NT5C2: variants seen among roughly 807,000 people sequenced by gnomAD.
NT5C2 encodes cytosolic purine 5'-nucleotidase.
In NT5C2, 58 loss-of-function variants were observed where a neutral mutation model predicts 76.1. That is an observed-to-expected ratio of 0.76 (90% CI 0.62 to 0.95). The LOEUF (loss-of-function observed/expected upper bound fraction) is 0.95. Ranked by LOEUF, NT5C2 falls within the 40% of genes least tolerant of loss-of-function variation. The pLI is 0.00. For missense variants in NT5C2, 478 were observed against 690.3 expected, an observed-to-expected ratio of 0.69 and a Z score of 3.45; for synonymous variants, 229 against 237.4, an observed-to-expected ratio of 0.96 and a Z score of 0.32.
chr10:103,102,398 A>C (rs2069968762), intron 6 of NT5C2, among the ~76,000 whole-genome samples: 1 of 152,176 alleles, frequency 6.6e-6, no homozygotes, highest in African/African-American at 2.4e-5. Context: ...TGAATGCCAG[A>C]CATGTGCATG....
rs189227388 is a variant in NT5C2, at chr10:103,137,738, C to T, written c.175+1668G>A. On this transcript the variant is annotated intron_variant, in intron 4 of 18. Transcript: ENST00000404739. ...TATGCTCAACTTGATCCCTCATCCC[C>T]ACTACTTCTTAAATTAAATGCATTT... 2.0e-5 allele frequency among the ~76,000 whole-genome samples: 3 copies of T among 152,300 alleles called. No individual in the cohort carries two copies. In the East Asian group the frequency reaches 5.8e-4, roughly 29 times the overall value.
chr10:103,160,244 G>A (rs150570284), intron 3 of NT5C2, among the ~76,000 whole-genome samples: 45 of 152,168 alleles, frequency 3.0e-4, no homozygotes, highest in African/African-American at 1.0e-3. Context: ...AAAAGTAAAT[G>A]AAAATGGATC....
intron 3 of NT5C2, among the ~76,000 whole-genome samples, chr10:103,165,996 CT>C (rs2086275967): frequency 6.6e-6 from 1 of 152,168 alleles, no homozygotes; most frequent in Non-Finnish European, 1.5e-5. Flanking sequence ...TTAAGTTAAA[CT>C]TTTTAATTTG....
chr10:103,129,806 C>T (rs2077682322), intron 4 of NT5C2, among the ~76,000 whole-genome samples: 1 of 109,378 alleles, frequency 9.1e-6, no homozygotes, highest in South Asian at 3.5e-4. Flanking sequence ...GTGAGGGGCG[C>T]CTCTGCCCGG....
chr10:103,104,401 C>A (rs1443815973), intron 6 of NT5C2, among the ~76,000 whole-genome samples: 1 of 152,128 alleles, frequency 6.6e-6, no homozygotes, highest in East Asian at 1.9e-4. Context: ...ACAAAAATTC[C>A]TTTTTAGACA....
chr10:103,131,642 C>T (rs751973563), intron 4 of NT5C2, among the ~76,000 whole-genome samples: 6 of 152,188 alleles, frequency 3.9e-5, no homozygotes, highest in South Asian at 2.1e-4. Flanking sequence ...AAAGCAACGC[C>T]GGGTGCAGTG....
intron 3 of NT5C2, among the ~76,000 whole-genome samples, chr10:103,159,632 G>C (rs1406922459): frequency 6.7e-6 from 1 of 148,794 alleles, no homozygotes; most frequent in Non-Finnish European, 1.5e-5. Context: ...TTGGGTGACA[G>C]AGCAAGACCC....
intron 1 of NT5C2, among the ~76,000 whole-genome samples, chr10:103,191,243 G>A (rs768718162): frequency 4.6e-5 from 7 of 152,064 alleles, no homozygotes; most frequent in Non-Finnish European, 7.4e-5. Context: ...TTAGCCAGGC[G>A]TGGTGGCGCA....
intron 3 of NT5C2, chr10:103,153,735 T>C (rs2082809280): frequency 1.0e-6 from 1 of 985,222 alleles, no homozygotes; most frequent in Non-Finnish European, 1.2e-6. Context: ...GTCAAAATCA[T>C]TTTTAGTTTA....
chr10:103,174,223 A>G (rs1454955379), intron 3 of NT5C2, among the ~76,000 whole-genome samples: 1 of 152,162 alleles, frequency 6.6e-6, no homozygotes, highest in Admixed American at 6.5e-5. Flanking sequence ...CCTGGCCAAC[A>G]TGGCAAAACC....
At chr10:103,176,104 G>A in intron 2 of NT5C2, 1 of 167,278 alleles carries the variant, frequency 6.0e-6, no homozygotes, top group South Asian at 1.6e-4. Flanking sequence ...GGAGCTAGGT[G>A]GGGGCAGCAA....
At chr10:103,181,875 C>T (rs1351181267) in intron 1 of NT5C2, among the ~76,000 whole-genome samples, 3 of 151,952 alleles carry the variant, frequency 2.0e-5, no homozygotes, top group Admixed American at 6.6e-5. Context: ...GGCGTGGTGG[C>T]GTATCCCTGT....
At chr10:103,113,292 T>C (rs541581980) in intron 4 of NT5C2, among the ~76,000 whole-genome samples, 11 of 140,450 alleles carry the variant, frequency 7.8e-5, no homozygotes, top group African/African-American at 3.6e-4. Flanking sequence ...ATACTAAGAA[T>C]ATTAGAAGAA....
intron 4 of NT5C2, 111 bp from the exon 5 acceptor site, chr10:103,106,817 C>A: frequency 1.4e-6 from 1 of 730,404 alleles, no homozygotes. Flanking sequence ...CCTAATTCTG[C>A]CATTTTTCTT....
chr10:103,096,701 C>T (rs952622582), intron 11 of NT5C2, among the ~76,000 whole-genome samples: 4 of 151,678 alleles, frequency 2.6e-5, no homozygotes, highest in African/African-American at 9.7e-5. Context: ...AAAAAATTAG[C>T]CAGGCGCAGT....
intron 8 of NT5C2, chr10:103,100,624 A>T (rs769287234): frequency 2.2e-6 from 1 of 460,726 alleles, no homozygotes; most frequent in Non-Finnish European, 4.3e-6. Flanking sequence ...TTTATTCCTT[A>T]ATCAAATCTT....
chr10:103,115,327 G>A (rs7909022), intron 4 of NT5C2, among the ~76,000 whole-genome samples: 17,706 of 152,122 alleles, frequency 0.12, 1,217 homozygotes, highest in Non-Finnish European at 0.15. Flanking sequence ...GCTTGAACCC[G>A]GGAGGCGGAG....
chr10:103,151,920 T>C (rs1350602800), intron 3 of NT5C2, among the ~76,000 whole-genome samples: 1 of 152,126 alleles, frequency 6.6e-6, no homozygotes, highest in African/African-American at 2.4e-5. Context: ...CAGAGGCTCC[T>C]AGAGATAAAC....
chr10:103,134,192 T>C (rs751189826), intron 4 of NT5C2, among the ~76,000 whole-genome samples: 3 of 152,124 alleles, frequency 2.0e-5, no homozygotes, highest in Non-Finnish European at 4.4e-5. Context: ...AGCCTAATGC[T>C]AATCACCGAG....
Sources: gnomAD v4.1 joint callset for allele counts (sites outside exome capture counted in the v4.1 genomes callset) on GRCh38, gnomAD v4.1.1 for gene constraint, MANE v1.5 for transcripts, NCBI Gene and HGNC (gene_info 2026-07-23, HGNC 2026-07-21) for gene names.